Variants in LUC7L2 observed in about 807,000 individuals in gnomAD.
The protein encoded by LUC7L2 is putative RNA-binding protein Luc7-like 2.
Under a neutral mutation model 52.8 loss-of-function variants are expected in LUC7L2, and 25 were observed. That is an observed-to-expected ratio of 0.47 (90% CI 0.34 to 0.66). The LOEUF (loss-of-function observed/expected upper bound fraction) is 0.66. LUC7L2 is among the 30% of genes least tolerant of loss of function. The pLI is 0.01. For missense variants in LUC7L2, 328 were observed against 497.8 expected, an observed-to-expected ratio of 0.66 and a Z score of 3.25; for synonymous variants, 144 against 160.9, an observed-to-expected ratio of 0.89 and a Z score of 0.80.
At chr7:139,405,338 A>G (rs1181684796) in intron 4 of LUC7L2, among the ~76,000 whole-genome samples, 1 of 152,146 alleles carries the variant, frequency 6.6e-6, no homozygotes, top group Non-Finnish European at 1.5e-5. Context: ...GTAGCAAGAG[A>G]TGGTTTAGAA....
intron 1 of LUC7L2, among the ~76,000 whole-genome samples, chr7:139,344,207 G>C (rs1197877414): frequency 6.6e-6 from 1 of 152,150 alleles, no homozygotes; most frequent in Non-Finnish European, 1.5e-5. Flanking sequence ...CATGAGTCCA[G>C]AGTTTTCAAG....
intron 1 of LUC7L2, among the ~76,000 whole-genome samples, chr7:139,352,268 T>TG (rs201208072): frequency 0.011 from 1,744 of 152,032 alleles, 17 homozygotes; most frequent in Middle Eastern, 0.017. Context: ...GGCAGGAGGA[T>TG]GGCTTGGGGC....
At position 139,407,163 on chromosome 7, in the gene LUC7L2, C is replaced by T. The variant is rs1795169553; in HGVS notation, c.511-11C>T. On this transcript the variant is annotated splice_polypyrimidine_tract_variant and intron_variant, in intron 5 of 9. Transcript: ENST00000354926. Reference sequence around the variant, plus strand: ...ATTTATATGGTCATTGTTTTTCTCACTTTTGTTTAGGAAGTTTATCGGAAT... The same window carrying T: ...ATTTATATGGTCATTGTTTTTCTCATTTTTGTTTAGGAAGTTTATCGGAAT... The T allele has an allele frequency of 6.2e-7, 1 of 1,602,208 alleles. No individual in the cohort carries two copies.
intron 2 of LUC7L2, 100 bp from the exon 3 acceptor site, chr7:139,398,499 C>G (rs1266153606): frequency 1.2e-6 from 1 of 866,892 alleles, no homozygotes; most frequent in African/African-American, 1.7e-5. Flanking sequence ...AAAAAAGCAT[C>G]TGTATGACTT....
Position 139,423,112 on chromosome 7 carries a change from T to C in LUC7L2, c.*772T>C, listed in dbSNP as rs1458526042. The C allele has an allele frequency of 1.0e-5, 4 of 398,872 alleles. No homozygotes were observed. Among genetic ancestry groups the C allele is most frequent in the Admixed American group, 4.4e-5 (1 of 22,698 alleles). The allele number at this position is 398,872 out of a possible 1,614,324, so 24.7% of individuals were successfully genotyped here. A position where few individuals can be genotyped will look rare whatever the true frequency, so the allele number is the denominator to read the frequency against. On this transcript the variant is annotated 3_prime_UTR_variant, in exon 10 of 10. Transcript: ENST00000354926. ...GTGGAGTATAAAGGCTACACCCTTA[T>C]TGTAAAAAAATAATAATAATAAAAT...
intron 2 of LUC7L2, among the ~76,000 whole-genome samples, chr7:139,397,334 G>C (rs1986447): frequency 0.38 from 58,401 of 152,034 alleles, 15,635 homozygotes; most frequent in African/African-American, 0.76. Context: ...TCCCAAGTAG[G>C]CCCCCATAAT....
chr7:139,345,669 C>T, intron 1 of LUC7L2: 3 of 1,614,148 alleles, frequency 1.9e-6, no homozygotes, highest in Non-Finnish European at 2.5e-6. Flanking sequence ...TCTCAAGTTG[C>T]CCCATCAGCC....
intron 8 of LUC7L2, among the ~76,000 whole-genome samples, chr7:139,415,071 T>TTG (rs1795533154): frequency 3.6e-5 from 5 of 140,540 alleles, no homozygotes; most frequent in African/African-American, 1.3e-4. Context: ...TTTTTTTTTT[T>TTG]TTTTTTTTTT....
rs574258390 is a variant in LUC7L2 at position 139,360,070 on chromosome 7, C to G, written c.-192C>G. ...CGCTGTCGGGGGCTGTCGTCTTCCA[C>G]GTACACGTCGTCGTGAGGAGCGCAG... On this transcript the variant is annotated 5_prime_UTR_variant, in exon 1 of 10. Coordinates refer to ENST00000354926, the MANE Select transcript of LUC7L2 (RefSeq NM_016019.5). The G allele has an allele frequency of 3.1e-5, 17 of 554,438 alleles. No homozygotes were observed. Among genetic ancestry groups the G allele is most frequent in the Non-Finnish European group, 5.1e-5 (16 of 314,230 alleles). The allele number at this position is 554,438 out of a possible 1,614,324, so 34.3% of individuals were successfully genotyped here. A position where few individuals can be genotyped will look rare whatever the true frequency, so the allele number is the denominator to read the frequency against.
chr7:139,420,801 A>AT (rs1217107380), intron 9 of LUC7L2, among the ~76,000 whole-genome samples: 3 of 151,588 alleles, frequency 2.0e-5, no homozygotes, highest in Admixed American at 1.3e-4. Context: ...TGGCACTGTG[A>AT]TTTTTTGTTG....
upstream of LUC7L2, among the ~76,000 whole-genome samples, chr7:139,357,025 T>C (rs1001161824): frequency 2.6e-5 from 4 of 152,204 alleles, no homozygotes; most frequent in South Asian, 8.3e-4. Context: ...ATGGAGTTAG[T>C]GTTCTAGGTT....
Position 139,348,408 on chromosome 7 carries a change from T to C in LUC7L2, c.-26+7891T>C, listed in dbSNP as rs567658962. ...GAAATATTACAGTTTTGAAGTCATATAGATTTAGATTGTTAAAAAATAAAT... is the reference window on the plus strand; with the variant it reads ...GAAATATTACAGTTTTGAAGTCATACAGATTTAGATTGTTAAAAAATAAAT... On this transcript the variant is annotated intron_variant, in intron 1 of 10. Transcript: ENST00000541170. Among the ~76,000 whole-genome samples, 83 of 152,174 alleles carry C rather than the reference T, an allele frequency of 5.5e-4. 1 individual carries two copies. The highest frequency in any genetic ancestry group is 4.6e-3 in the Admixed American group (71 of 15,284).
intron 1 of LUC7L2, chr7:139,374,435 C>CA: frequency 1.9e-6 from 3 of 1,550,894 alleles, no homozygotes; most frequent in Non-Finnish European, 2.6e-6. Flanking sequence ...CCTCAATCTG[C>CA]AAGGGAGTGT....
At chr7:139,401,667 A>G (rs7804388) in intron 3 of LUC7L2, among the ~76,000 whole-genome samples, 58,038 of 151,350 alleles carry the variant, frequency 0.38, 15,506 homozygotes, top group African/African-American at 0.76. Flanking sequence ...TGGCCAGCGT[A>G]GTCTCAAACT....
At chr7:139,420,926 G>A (rs1403843984) in intron 9 of LUC7L2, among the ~76,000 whole-genome samples, 1 of 152,026 alleles carries the variant, frequency 6.6e-6, no homozygotes, top group Non-Finnish European at 1.5e-5. Context: ...AGCCTCCCGA[G>A]TAGCTGGGAC....
chr7:139,409,820 C>G (rs1194777610), intron 7 of LUC7L2, among the ~76,000 whole-genome samples, 166 bp downstream of exon 7: 1 of 152,152 alleles, frequency 6.6e-6, no homozygotes, highest in Non-Finnish European at 1.5e-5. Flanking sequence ...TTTAATTATA[C>G]AAGTATCGTA....
At chr7:139,407,407 T>G in intron 6 of LUC7L2, 57 bp downstream of exon 6, 3 of 1,531,934 alleles carry the variant, frequency 2.0e-6, no homozygotes, top group Non-Finnish European at 2.6e-6. Flanking sequence ...CTGTATCAGT[T>G]GCCTTTTTGT....
Position 139,422,350 on chromosome 7 carries a change from T to C in LUC7L2, c.*10T>C. The C allele has an allele frequency of 6.2e-7, 1 of 1,603,196 alleles. No individual in the cohort carries two copies. The highest frequency in any genetic ancestry group is 8.5e-7 in the Non-Finnish European group (1 of 1,176,082). On this transcript the variant is annotated 3_prime_UTR_variant, in exon 10 of 10. Transcript: ENST00000354926. ...AGCAGGGGAGATCTAACTAGCTGTGTACATTTCTTCAGTCCTTAAGCTTCC... is the reference window on the plus strand; with the variant it reads ...AGCAGGGGAGATCTAACTAGCTGTGCACATTTCTTCAGTCCTTAAGCTTCC...
At chr7:139,354,826 T>C (rs530914363) in intron 1 of LUC7L2, among the ~76,000 whole-genome samples, 33 of 128,018 alleles carry the variant, frequency 2.6e-4, no homozygotes, top group African/African-American at 1.1e-3. Context: ...CAAAAGTGAA[T>C]TGGAAGTAAA....
Sources: gnomAD v4.1 joint callset for allele counts (sites outside exome capture counted in the v4.1 genomes callset) on GRCh38, gnomAD v4.1.1 for gene constraint, MANE v1.5 for transcripts, NCBI Gene and HGNC (gene_info 2026-07-23, HGNC 2026-07-21) for gene names.